ASF1A: variants seen among roughly 807,000 people sequenced by gnomAD.
The protein encoded by ASF1A is histone chaperone ASF1A.
Under a neutral mutation model 22.0 loss-of-function variants are expected in ASF1A, and 5 were observed. The observed-to-expected ratio is 0.23, with a 90% CI of 0.12 to 0.48. The LOEUF (loss-of-function observed/expected upper bound fraction) is 0.48. Among genes scored for constraint, ASF1A ranks in the 20% least tolerant of loss-of-function variants. ASF1A has a pLI of 0.99. For missense variants in ASF1A, 137 were observed against 240.6 expected, an observed-to-expected ratio of 0.57 and a Z score of 2.85; for synonymous variants, 97 against 86.7, an observed-to-expected ratio of 1.12 and a Z score of -0.66.
At chr6:118,897,931 A>G (rs1779543478) in intron 1 of ASF1A, among the ~76,000 whole-genome samples, 1 of 152,182 alleles carries the variant, frequency 6.6e-6, no homozygotes, top group African/African-American at 2.4e-5. Flanking sequence ...AAATCAATGT[A>G]CAAGTGTTCC....
At chr6:118,899,968 C>G (rs952253004) in intron 1 of ASF1A, among the ~76,000 whole-genome samples, 7 of 152,212 alleles carry the variant, frequency 4.6e-5, no homozygotes, top group African/African-American at 1.7e-4. Flanking sequence ...CCAAAGAGTT[C>G]TACTCATCTC....
chr6:118,905,153 C>G (rs932063801), intron 2 of ASF1A, among the ~76,000 whole-genome samples: 1 of 152,158 alleles, frequency 6.6e-6, no homozygotes, highest in Admixed American at 6.5e-5. Flanking sequence ...CAGTTTTATA[C>G]TAATTTACTA....
rs925727394 is a variant in ASF1A at position 118,907,553 on chromosome 6, G to A, written c.554G>A (p.Gly185Glu). 6 of 1,613,550 alleles carry A rather than the reference G, an allele frequency of 3.7e-6. No homozygotes were observed. Among genetic ancestry groups the A allele is most frequent in the Non-Finnish European group, 5.1e-6 (6 of 1,179,702 alleles). ...GATGCATTACCTTCAGCATCAAAGG[G>A]ATGGTCCACATCAGAAAACTCACTA... ...STDALPSASK[G>E]WSTSENSLNV... Residue 185 changes from glycine to glutamate, a missense_variant, in exon 4 of 4, where the codon GGA (glycine) becomes GAA (glutamate). Physicochemically the swap from Gly to Glu is moderately conservative, Grantham distance 98. Around this residue, in one of 2 missense-constraint regions of ASF1A, gnomAD observed 41 missense variants for 43.9 expected, o/e 0.93. Transcript: ENST00000229595.
chr6:118,907,743 A>C lies in ASF1A; in HGVS notation c.*129A>C. The C allele has an allele frequency of 1.4e-6, 1 of 692,382 alleles. No individual in the cohort carries two copies. Among genetic ancestry groups the C allele is most frequent in the South Asian group, 2.3e-5 (1 of 44,094 alleles). The allele number at this position is 692,382 out of a possible 1,614,324, so 42.9% of individuals were successfully genotyped here. On this transcript the variant is annotated 3_prime_UTR_variant, in exon 4 of 4. Transcript: ENST00000229595. ...TTTAAAAACATCCTGTAGAAAGTTTATAAGAAAACCAGTATTTGAACAAAT... is the reference window on the plus strand; with the variant it reads ...TTTAAAAACATCCTGTAGAAAGTTTCTAAGAAAACCAGTATTTGAACAAAT...
chr6:118,900,954 C>G (rs1779763637), intron 2 of ASF1A, 73 bp downstream of exon 2: 2 of 1,040,332 alleles, frequency 1.9e-6, no homozygotes, highest in Admixed American at 3.8e-5. Flanking sequence ...TATCTTATAA[C>G]CCTTATCCCT....
intron 2 of ASF1A, 73 bp from the exon 3 acceptor site, chr6:118,905,579 T>G (rs1780126425): frequency 7.8e-7 from 1 of 1,283,810 alleles, no homozygotes; most frequent in African/African-American, 1.5e-5. Context: ...TCTAGGTAAC[T>G]GAAACTCCAG....
chr6:118,897,906 A>G (rs144760363), intron 1 of ASF1A, among the ~76,000 whole-genome samples: 66 of 152,234 alleles, frequency 4.3e-4, no homozygotes, highest in African/African-American at 1.5e-3. Context: ...TGTAGCAAGC[A>G]TCCCATAAAC....
intron 2 of ASF1A, among the ~76,000 whole-genome samples, chr6:118,901,283 T>C (rs1240214759): frequency 6.6e-6 from 1 of 152,204 alleles, no homozygotes; most frequent in Non-Finnish European, 1.5e-5. Flanking sequence ...ATATGCATCT[T>C]CAGTTTATGG....
intron 3 of ASF1A, among the ~76,000 whole-genome samples, 164 bp from the exon 4 acceptor site, chr6:118,907,238 C>T (rs993641513): frequency 6.6e-6 from 1 of 152,158 alleles, no homozygotes; most frequent in Non-Finnish European, 1.5e-5. Flanking sequence ...CTAGTCGTTA[C>T]ATCTTATTAG....
chr6:118,905,887 C>A, intron 3 of ASF1A, 59 bp downstream of exon 3: 1 of 1,306,514 alleles, frequency 7.7e-7, no homozygotes, highest in Non-Finnish European at 1.0e-6. Flanking sequence ...AAAGCAGTTG[C>A]TATTGCAATT....
At position 118,905,843 on chromosome 6, in the gene ASF1A, A is replaced by C. The variant is rs768496463; in HGVS notation, c.402+15A>C. On this transcript the variant is annotated intron_variant, in intron 3 of 3. Coordinates refer to ENST00000229595, the MANE Select transcript of ASF1A (RefSeq NM_014034.3). ...ACTTTTCTAAGGTAATGTTCTTACT[A>C]TTCCTTTTTAACTACTTTTACTATG... 5.8e-6 allele frequency: 9 copies of C among 1,549,474 alleles called. No homozygotes were observed. In the Admixed American group the frequency reaches 1.7e-4, roughly 29 times the overall value.
At chr6:118,906,998 A>G (rs1034212493) in intron 3 of ASF1A, among the ~76,000 whole-genome samples, 2 of 152,224 alleles carry the variant, frequency 1.3e-5, no homozygotes, top group African/African-American at 2.4e-5. Flanking sequence ...ACCATTAATA[A>G]TAAGTTGTAT....
intron 1 of ASF1A, among the ~76,000 whole-genome samples, chr6:118,896,057 T>TA (rs1779387562): frequency 1.3e-5 from 2 of 149,040 alleles, no homozygotes; most frequent in Non-Finnish European, 1.5e-5. Flanking sequence ...TTTTTTTTTT[T>TA]AAACCTATAT....
At chr6:118,902,849 T>C (rs934215549) in intron 2 of ASF1A, among the ~76,000 whole-genome samples, 1 of 152,202 alleles carries the variant, frequency 6.6e-6, no homozygotes, top group African/African-American at 2.4e-5. Flanking sequence ...AAAACTACTA[T>C]AGTAATCTCT....
At chr6:118,896,901 A>C (rs1375922118) in intron 1 of ASF1A, among the ~76,000 whole-genome samples, 1 of 152,086 alleles carries the variant, frequency 6.6e-6, no homozygotes, top group Non-Finnish European at 1.5e-5. Context: ...ACAGTGGTGC[A>C]AACACAGCTG....
chr6:118,901,550 C>CT (rs1344197208), intron 2 of ASF1A, among the ~76,000 whole-genome samples: 1 of 152,168 alleles, frequency 6.6e-6, no homozygotes, highest in Non-Finnish European at 1.5e-5. Flanking sequence ...TTAGATACCA[C>CT]TGAGAGTATT....
At position 118,899,409 on chromosome 6, in the gene ASF1A, T is replaced by TG. The variant is rs141506246; in HGVS notation, c.110-1356dup. Among the ~76,000 whole-genome samples, 154 of 152,268 alleles carry TG rather than the reference T, an allele frequency of 1.0e-3. 1 individual carries two copies. The East Asian group carries it at 0.012, about 12-fold the overall frequency. Reference sequence around the variant, plus strand: ...CATTCTGCTCCAGCCCTAGCCTCCTTGCTTTTTCTTGCCAAGTGTGCCCTA... The same window carrying TG: ...CATTCTGCTCCAGCCCTAGCCTCCTTGGCTTTTTCTTGCCAAGTGTGCCCTA... On this transcript the variant is annotated intron_variant, in intron 1 of 3. Coordinates refer to ENST00000229595, the MANE Select transcript of ASF1A (RefSeq NM_014034.3).
chr6:118,899,374 T>TAG (rs1554260739), intron 1 of ASF1A, among the ~76,000 whole-genome samples: 5 of 152,174 alleles, frequency 3.3e-5, no homozygotes, highest in Non-Finnish European at 7.3e-5. Flanking sequence ...GGTGCTTTCC[T>TAG]CCTTCCTTTC....
intron 2 of ASF1A, among the ~76,000 whole-genome samples, chr6:118,904,877 C>T (rs761305613): frequency 2.0e-4 from 30 of 152,182 alleles, no homozygotes; most frequent in Admixed American, 1.4e-3. Flanking sequence ...CTCACTCTGT[C>T]GCCAGGCTGG....
Sources: allele counts gnomAD v4.1 joint callset (sites outside exome capture counted in the v4.1 genomes callset), GRCh38; gene constraint gnomAD v4.1.1; regional missense constraint gnomAD v4.1.1; transcripts MANE v1.5; gene names NCBI Gene and HGNC (gene_info 2026-07-23, HGNC 2026-07-21).